The following RNF157 variants were observed in gnomAD, a reference collection of about 807,000 sequenced individuals.
RNF157 encodes ring finger protein 157.
Under a neutral mutation model 88.3 loss-of-function variants are expected in RNF157, and 55 were observed. The ratio of observed to expected loss-of-function variants is 0.62; its 90% CI spans 0.50 to 0.78. The LOEUF (loss-of-function observed/expected upper bound fraction) is 0.78. Ranked by LOEUF, RNF157 falls within the 30% of genes least tolerant of loss-of-function variation. The pLI is 0.00. For missense variants in RNF157, 788 were observed against 860.8 expected, an observed-to-expected ratio of 0.92 and a Z score of 1.06; for synonymous variants, 334 against 341.2, an observed-to-expected ratio of 0.98 and a Z score of 0.23.
chr17:76,186,685 A>G (rs1329909270), intron 2 of RNF157, among the ~76,000 whole-genome samples: 1 of 152,002 alleles, frequency 6.6e-6, no homozygotes, highest in Non-Finnish European at 1.5e-5. Flanking sequence ...CACGCCTGTA[A>G]TCCCAGCACT....
At chr17:76,206,659 G>C (rs1298162352) in intron 2 of RNF157, among the ~76,000 whole-genome samples, 1 of 152,098 alleles carries the variant, frequency 6.6e-6, no homozygotes, top group Non-Finnish European at 1.5e-5. Context: ...AAAATTACCT[G>C]GGCATGGTGG....
chr17:76,199,820 A>G (rs1487852194), intron 2 of RNF157, among the ~76,000 whole-genome samples: 8 of 152,166 alleles, frequency 5.3e-5, no homozygotes, highest in Admixed American at 3.9e-4. Context: ...ACAGAGGGAT[A>G]ATGTCCTCAT....
chr17:76,187,331 A>G (rs1166574581), intron 2 of RNF157, among the ~76,000 whole-genome samples: 1 of 147,418 alleles, frequency 6.8e-6, no homozygotes, highest in East Asian at 2.1e-4. Context: ...TTACAGGTGC[A>G]TGACACCATG....
chr17:76,231,287 G>A (rs2410923), intron 1 of RNF157, among the ~76,000 whole-genome samples: 3,889 of 152,220 alleles, frequency 0.026, 189 homozygotes, highest in African/African-American at 0.089. Context: ...GTGAGCCACC[G>A]TGCCCGGCCT....
intron 3 of RNF157, among the ~76,000 whole-genome samples, chr17:76,169,647 T>C (rs957791267): frequency 6.6e-6 from 1 of 150,676 alleles, no homozygotes; most frequent in Non-Finnish European, 1.5e-5. Context: ...TGGCACGATC[T>C]TGGCTCATTG....
Position 76,188,782 on chromosome 17 carries a change from T to C in RNF157, c.208-14992A>G, listed in dbSNP as rs540519144. ...GCAAGAGGATTTAGTGACTGGCTTC[T>C]AACGAATACATCATGGAAAGGGGAA... On this transcript the variant is annotated intron_variant, in intron 2 of 18. Coordinates refer to ENST00000269391, the MANE Select transcript of RNF157 (RefSeq NM_052916.3). 1.8e-4 allele frequency among the ~76,000 whole-genome samples: 28 copies of C among 152,342 alleles called. 1 individual carries two copies. The highest frequency in any genetic ancestry group is 3.4e-3 in the Middle Eastern group (1 of 294).
chr17:76,180,831 C>T (rs535350598), intron 2 of RNF157, among the ~76,000 whole-genome samples: 1 of 152,308 alleles, frequency 6.6e-6, no homozygotes, highest in Middle Eastern at 3.4e-3. Flanking sequence ...TTCGCATTAT[C>T]GTGCGGCCAT....
At chr17:76,177,022 TGGCCTGGCCCAGGCCCA>T (rs1009152818) in intron 2 of RNF157, among the ~76,000 whole-genome samples, 10 of 152,018 alleles carry the variant, frequency 6.6e-5, no homozygotes, top group Non-Finnish European at 1.5e-4. Context: ...CCTGGGCAGA[TGGCCTGGCCCAGGCCCA>T]GGCCCAGGAT....
At chr17:76,199,330 C>G (rs867036465) in intron 2 of RNF157, among the ~76,000 whole-genome samples, 29 of 152,202 alleles carry the variant, frequency 1.9e-4, no homozygotes, top group South Asian at 4.1e-4. Context: ...GATCACAGCT[C>G]ACTGTGGCCT....
At chr17:76,223,339 C>T (rs1284856820) in intron 1 of RNF157, among the ~76,000 whole-genome samples, 2 of 151,742 alleles carry the variant, frequency 1.3e-5, no homozygotes, top group East Asian at 3.9e-4. Flanking sequence ...AGGCATGTGC[C>T]ACCAAACCTG....
chr17:76,178,208 C>T (rs1335048173), intron 2 of RNF157, among the ~76,000 whole-genome samples: 2 of 152,250 alleles, frequency 1.3e-5, no homozygotes, highest in Non-Finnish European at 2.9e-5. Context: ...GAGCCCAGAC[C>T]TGGGAGCTGC....
chr17:76,175,843 A>T (rs1371787895), intron 2 of RNF157: 2 of 948,332 alleles, frequency 2.1e-6, no homozygotes, highest in Non-Finnish European at 1.3e-6. Context: ...AATAAAAAGA[A>T]AGAAAAAAAA....
chr17:76,156,396 GGA>G, intron 13 of RNF157, 75 bp from the exon 14 acceptor site: 3 of 1,599,118 alleles, frequency 1.9e-6, no homozygotes, highest in Non-Finnish European at 2.6e-6. Flanking sequence ...GGGTCAGGGC[GGA>G]GGTCTGGGTA....
At position 76,193,573 on chromosome 17, in the gene RNF157, T is replaced by C. The variant is rs375535776; in HGVS notation, c.207+18791A>G. ...CCACCCACGGACACATACAAGTTTCTACCATAGTGACTGAAAGGCTCTCTG... is the reference window on the plus strand; with the variant it reads ...CCACCCACGGACACATACAAGTTTCCACCATAGTGACTGAAAGGCTCTCTG... On this transcript the variant is annotated intron_variant, in intron 2 of 18. Coordinates refer to ENST00000269391, the MANE Select transcript of RNF157 (RefSeq NM_052916.3). Among the ~76,000 whole-genome samples, 4 of 150,146 alleles carry C rather than the reference T, an allele frequency of 2.7e-5. No homozygotes were observed. In the East Asian group the frequency reaches 6.0e-4, roughly 22 times the overall value.
chr17:76,150,333 C>T (rs1288640052), intron 18 of RNF157, among the ~76,000 whole-genome samples: 1 of 151,994 alleles, frequency 6.6e-6, no homozygotes, highest in East Asian at 1.9e-4. Context: ...CACAAGTCAC[C>T]CTAGGGAACC....
At chr17:76,217,287 G>A (rs1463484835) in intron 1 of RNF157, among the ~76,000 whole-genome samples, 1 of 151,964 alleles carries the variant, frequency 6.6e-6, no homozygotes, top group South Asian at 2.1e-4. Context: ...GGGATTACAG[G>A]TGTGAGCCAC....
In RNF157 at chr17:76,144,185, A is replaced by G. The variant is rs1332557848; in HGVS notation, c.*1050T>C. 6.6e-6 allele frequency: 1 copy of G among 152,246 alleles called. No individual in the cohort carries two copies. Among genetic ancestry groups the G allele is most frequent in the Non-Finnish European group, 1.5e-5 (1 of 68,050 alleles). The allele number at this position is 152,246 out of a possible 1,614,324, so 9.4% of individuals were successfully genotyped here. On this transcript the variant is annotated 3_prime_UTR_variant, in exon 19 of 19. Coordinates refer to ENST00000269391, the MANE Select transcript of RNF157 (RefSeq NM_052916.3). ...ACTCCTCACCCAGTGCTTGGCACACAGAGGTGGTCAACACATGTGTTTCTT... is the reference window on the plus strand; with the variant it reads ...ACTCCTCACCCAGTGCTTGGCACACGGAGGTGGTCAACACATGTGTTTCTT...
chr17:76,226,515 C>T, intron 1 of RNF157: 1 of 1,613,068 alleles, frequency 6.2e-7, no homozygotes. Context: ...CCCAACAGGG[C>T]ACCAAAGTCG....
chr17:76,166,149 A>G (rs1324545071), intron 6 of RNF157, among the ~76,000 whole-genome samples: 1 of 152,064 alleles, frequency 6.6e-6, no homozygotes, highest in African/African-American at 2.4e-5. Context: ...TGATTTTTGT[A>G]TTTTTAGTAG....
Sources: gnomAD v4.1 joint callset for allele counts (sites outside exome capture counted in the v4.1 genomes callset) on GRCh38, gnomAD v4.1.1 for gene constraint, MANE v1.5 for transcripts, NCBI Gene and HGNC (gene_info 2026-07-23, HGNC 2026-07-21) for gene names.